Variants in PUS7 observed in about 807,000 individuals in gnomAD.
PUS7 encodes the protein pseudouridine synthase 7, also known as pseudouridylate synthase 7 homolog.
In PUS7, 48 loss-of-function variants were observed where a neutral mutation model predicts 79.8. The observed-to-expected ratio is 0.60, with a 90% CI of 0.48 to 0.76. PUS7 has a LOEUF of 0.76. PUS7 is among the 30% of genes least tolerant of loss of function. PUS7 has a pLI of 0.00. For missense variants in PUS7, 729 were observed against 797.6 expected (o/e 0.91, Z 1.04); for synonymous variants, 286 against 272.2 (o/e 1.05, Z -0.50).
intron 4 of PUS7, among the ~76,000 whole-genome samples, chr7:105,503,171 G>A (rs183677202): frequency 1.1e-4 from 16 of 152,200 alleles, no homozygotes; most frequent in Admixed American, 7.2e-4. Context: ...TTGTGTCTGC[G>A]GTTATATAGC....
chr7:105,470,628 G>A, intron 11 of PUS7, 60 bp downstream of exon 11: 1 of 1,463,362 alleles, frequency 6.8e-7, no homozygotes, highest in Non-Finnish European at 9.2e-7. Flanking sequence ...CTTTCAAGAT[G>A]AAATTTAAAA....
intron 7 of PUS7, among the ~76,000 whole-genome samples, chr7:105,490,706 G>A (rs775577165): frequency 6.6e-6 from 1 of 152,050 alleles, no homozygotes; most frequent in Non-Finnish European, 1.5e-5. Flanking sequence ...GCTTTCCAAC[G>A]TCTTTTCTTA....
At chr7:105,466,579 A>G (rs1823652044) in intron 12 of PUS7, among the ~76,000 whole-genome samples, 1 of 152,120 alleles carries the variant, frequency 6.6e-6, no homozygotes, top group African/African-American at 2.4e-5. Flanking sequence ...ATGAAAATTT[A>G]AAAACATTTA....
intron 12 of PUS7, among the ~76,000 whole-genome samples, chr7:105,467,804 G>A (rs1020990187): frequency 1.3e-5 from 2 of 151,832 alleles, no homozygotes; most frequent in African/African-American, 2.4e-5. Flanking sequence ...CAAGGCAGGC[G>A]GATCACCCGA....
chr7:105,501,574 AT>A (rs1280448812), intron 5 of PUS7, among the ~76,000 whole-genome samples: 1 of 152,138 alleles, frequency 6.6e-6, no homozygotes, highest in Non-Finnish European at 1.5e-5. Context: ...TATATTCCAT[AT>A]TTTTTATGTG....
At chr7:105,511,055 G>A (rs894427340) in intron 1 of PUS7, among the ~76,000 whole-genome samples, 23 of 147,880 alleles carry the variant, frequency 1.6e-4, no homozygotes, top group Non-Finnish European at 2.9e-4. Context: ...TTTTTGAGAC[G>A]GAGTCTCGCT....
rs531319976 is a variant in PUS7, at chr7:105,482,440, T to C, written c.921A>G (p.Lys307=). ...AITVQEIAVL[K]ITAQRLAHLN... ...GGTGGGCAAGTCTTTGTGCAGTTAT[T>C]CTTTAAAAAAAAAAAAAAAAGCAAC... is the stretch of plus-strand genomic sequence containing the variant. Residue 307 remains lysine (K), a splice_region_variant and synonymous_variant, in exon 8 of 16, where the codon AAA becomes AAG. Coordinates refer to ENST00000469408, the MANE Select transcript of PUS7 (RefSeq NM_019042.5). The C allele has an allele frequency of 2.1e-5, 33 of 1,563,090 alleles. No individual in the cohort carries two copies. In the African/African-American group the frequency reaches 4.7e-4, roughly 22 times the overall value.
chr7:105,473,845 T>C (rs1290981831), intron 9 of PUS7, among the ~76,000 whole-genome samples: 5 of 152,246 alleles, frequency 3.3e-5, no homozygotes, highest in Admixed American at 3.3e-4. Flanking sequence ...TGAGCCACCA[T>C]GCCTGGCCTA....
At chr7:105,498,350 A>G (rs1274346650) in intron 5 of PUS7, among the ~76,000 whole-genome samples, 2 of 152,218 alleles carry the variant, frequency 1.3e-5, no homozygotes, top group Non-Finnish European at 2.9e-5. Flanking sequence ...TAGCTTTACA[A>G]TTTGAATGAA....
At chr7:105,513,431 T>A (rs879398369) in intron 1 of PUS7, among the ~76,000 whole-genome samples, 2 of 152,234 alleles carry the variant, frequency 1.3e-5, no homozygotes, top group Admixed American at 6.5e-5. Context: ...TGACTTAACC[T>A]CTCGAATCTG....
chr7:105,486,428 G>A lies in PUS7; in HGVS notation c.921-3988C>T, dbSNP rs544466588. Reference sequence around the variant, plus strand: ...TTTTTTAGAGACAAGGAATTGCTCTGCCACCCAGGTTGGAGTGCAGTGGTG... The same window carrying A: ...TTTTTTAGAGACAAGGAATTGCTCTACCACCCAGGTTGGAGTGCAGTGGTG... On this transcript the variant is annotated intron_variant, in intron 7 of 15. Transcript: ENST00000469408. 1.5e-3 allele frequency among the ~76,000 whole-genome samples: 225 copies of A among 152,248 alleles called. 1 individual carries two copies. Among genetic ancestry groups the A allele is most frequent in the Non-Finnish European group, 2.6e-3 (180 of 68,024 alleles).
intron 5 of PUS7, 44 bp downstream of exon 5, chr7:105,502,376 G>A (rs373919361): frequency 4.7e-5 from 76 of 1,611,124 alleles, no homozygotes; most frequent in Non-Finnish European, 5.9e-5. Context: ...GGGGCCTGCC[G>A]CTCACGGCTG....
At chr7:105,484,799 C>CAAA (rs140115911) in intron 7 of PUS7, among the ~76,000 whole-genome samples, 1 of 93,096 alleles carries the variant, frequency 1.1e-5, no homozygotes, top group Non-Finnish European at 2.2e-5. Flanking sequence ...GCTTGGCTGT[C>CAAA]AAAAAAAAAA....
At chr7:105,487,564 T>C (rs191545353) in intron 7 of PUS7, among the ~76,000 whole-genome samples, 46 of 152,328 alleles carry the variant, frequency 3.0e-4, no homozygotes, top group African/African-American at 1.0e-3. Context: ...AGAAATGGAA[T>C]GAAGCTGACA....
At chr7:105,521,805 C>CGGGGAGCGG (rs1826127166) in intron 1 of PUS7, among the ~76,000 whole-genome samples, 1 of 149,900 alleles carries the variant, frequency 6.7e-6, no homozygotes, top group Non-Finnish European at 1.5e-5. Flanking sequence ...CCGGGCAGAG[C>CGGGGAGCGG]GGAGCGGGGA....
At chr7:105,520,121 CAAGA>C (rs1826047169) in intron 1 of PUS7, among the ~76,000 whole-genome samples, 2 of 152,078 alleles carry the variant, frequency 1.3e-5, no homozygotes, top group Non-Finnish European at 2.9e-5. Context: ...GTCTGAAGTT[CAAGA>C]CCAGCCTGGC....
At chr7:105,501,197 T>G (rs1825233415) in intron 5 of PUS7, among the ~76,000 whole-genome samples, 1 of 152,222 alleles carries the variant, frequency 6.6e-6, no homozygotes, top group African/African-American at 2.4e-5. Flanking sequence ...GTATTATCTT[T>G]TGAATTAACC....
At chr7:105,491,409 A>T (rs933333406) in intron 7 of PUS7, 131 bp downstream of exon 7, 14 of 463,882 alleles carry the variant, frequency 3.0e-5, no homozygotes, top group Non-Finnish European at 4.8e-5. Flanking sequence ...AAACAGAATG[A>T]AAAGTAATTT....
chr7:105,494,343 G>A (rs1824913762), intron 6 of PUS7, among the ~76,000 whole-genome samples: 1 of 151,636 alleles, frequency 6.6e-6, no homozygotes, highest in South Asian at 2.1e-4. Context: ...CTATCCTCAC[G>A]GCCTGGCACA....
Sources: allele counts gnomAD v4.1 joint callset (sites outside exome capture counted in the v4.1 genomes callset), GRCh38; gene constraint gnomAD v4.1.1; transcripts MANE v1.5; gene names NCBI Gene and HGNC (gene_info 2026-07-23, HGNC 2026-07-21).